The following LMNA variants were observed in gnomAD, a reference collection of about 807,000 sequenced individuals.
The protein encoded by LMNA is lamin A/C, also known as lamin.
A neutral mutation model predicts 70.4 loss-of-function variants in LMNA; 20 were observed. The ratio of observed to expected loss-of-function variants is 0.28; its 90% confidence interval spans 0.20 to 0.41. The LOEUF is 0.41. Ranked by LOEUF, LMNA falls within the 10% of genes least tolerant of loss-of-function variation. The pLI is 1.00. For synonymous variants in LMNA, 339 were observed against 372.8 expected (o/e 0.91, Z 1.04); for missense variants, 652 against 917.2 (o/e 0.71, Z 3.73).
rs150817185 is a variant in LMNA at position 156,115,702 on chromosome 1, G to A, written c.356+428G>A. On this transcript the variant is annotated intron_variant, in intron 1 of 11. Coordinates refer to ENST00000368300, the MANE Select transcript of LMNA (RefSeq NM_170707.4). The surrounding 1 kb of genome is among the most constrained non-coding windows in gnomAD (Gnocchi z 5.8). ...GGTCCTGTTAGAACTTTGTTAGCGG[G>A]CTTGGCACTGTGCTAGCTTTGCCCA... Among the ~76,000 whole-genome samples the A allele has an allele frequency of 4.8e-4, 73 of 152,326 alleles. No individual in the cohort carries two copies. The East Asian group carries it at 0.014, about 29-fold the overall frequency.
chr1:156,089,639 G>C (rs983504380), intron 2 of LMNA, among the ~76,000 whole-genome samples: 20 of 151,326 alleles, frequency 1.3e-4, no homozygotes, highest in Admixed American at 1.3e-4. Flanking sequence ...TTTGGGACTC[G>C]GAGGGCTACA....
At chr1:156,126,560 G>GC (rs767215710) in intron 1 of LMNA, 2 of 774,774 alleles carry the variant, frequency 2.6e-6, no homozygotes. Flanking sequence ...TCCCCAAACA[G>GC]CCCCAAGGGC....
At chr1:156,130,467 C>A in intron 1 of LMNA, 150 bp from the exon 2 acceptor site, 1 of 844,508 alleles carries the variant, frequency 1.2e-6, no homozygotes, top group South Asian at 1.4e-5. Flanking sequence ...CAGAGGCAAG[C>A]AGATGCAAAC....
At chr1:156,086,883 C>T (rs1648501188) in intron 2 of LMNA, among the ~76,000 whole-genome samples, 1 of 152,202 alleles carries the variant, frequency 6.6e-6, no homozygotes, top group African/African-American at 2.4e-5. Context: ...AGGTGATCCG[C>T]CCCCACCTTG....
intron 1 of LMNA, among the ~76,000 whole-genome samples, chr1:156,125,648 C>T (rs1650507737): frequency 6.6e-6 from 1 of 151,174 alleles, no homozygotes; most frequent in Admixed American, 6.6e-5. Flanking sequence ...GAGATCGCGC[C>T]ACTCTACTCT....
intron 2 of LMNA, among the ~76,000 whole-genome samples, chr1:156,131,907 C>T (rs934129080): frequency 1.3e-4 from 20 of 152,156 alleles, no homozygotes; most frequent in Admixed American, 1.0e-3. Flanking sequence ...CAGTGGCTCA[C>T]GCCTATAATC....
rs2102901662 is a variant in LMNA at position 156,138,585 on chromosome 1, C to G, written c.1796C>G (p.Ser599Cys). 6.2e-7 allele frequency: 1 copy of G among 1,612,880 alleles called. No homozygotes were observed. Among genetic ancestry groups the G allele is most frequent in the Non-Finnish European group, 8.5e-7 (1 of 1,179,858 alleles). ...TGCGGGCAGCCTGCCGACAAGGCATCTGCCAGCGGCTCAGGAGCCCAGGTG... is the reference window on the plus strand; with the variant it reads ...TGCGGGCAGCCTGCCGACAAGGCATGTGCCAGCGGCTCAGGAGCCCAGGTG... Reference protein sequence around the residue: ...GTCGQPADKASASGSGAQVGG... With the variant: ...GTCGQPADKACASGSGAQVGG... Residue 599 changes from serine to cysteine, a missense_variant, in exon 11 of 12, where the codon TCT becomes TGT. Ser to Cys is a moderately radical substitution (Grantham distance 112). Around this residue, in one of 4 missense-constraint regions of LMNA, gnomAD observed 327 missense variants for 387.6 expected, o/e 0.84. Transcript: ENST00000368300. This position sits in a 1 kb window ranked among gnomAD's most constrained non-coding sequence, Gnocchi z 5.5.
chr1:156,111,542 G>C (rs1380123510), upstream of LMNA, among the ~76,000 whole-genome samples: 1 of 152,090 alleles, frequency 6.6e-6, no homozygotes, highest in Non-Finnish European at 1.5e-5. Flanking sequence ...CAGACTTCTG[G>C]GATCCCTTTG....
At chr1:156,101,147 T>C (rs1218960272) in intron 3 of LMNA, among the ~76,000 whole-genome samples, 1 of 152,118 alleles carries the variant, frequency 6.6e-6, no homozygotes, top group Non-Finnish European at 1.5e-5. Context: ...GTGGAGCCAC[T>C]GTTAGTTTAA....
chr1:156,103,665 C>T lies in LMNA; in HGVS notation c.-206-11048C>T, dbSNP rs1212970282. Among the ~76,000 whole-genome samples, 2 of 152,144 alleles carry T rather than the reference C, an allele frequency of 1.3e-5. No homozygotes were observed. The highest frequency in any genetic ancestry group is 4.1e-4 in the South Asian group (2 of 4,828). On this transcript the variant is annotated intron_variant, in intron 3 of 12. Coordinates refer to the LMNA transcript ENST00000368301. This position sits in a 1 kb window ranked among gnomAD's most constrained non-coding sequence, Gnocchi z 4.7. ...TGTGTCCCCTCTCCGGGGGCTGCCC[C>T]CTCCCAGTTTCTGACTAATCCTTTC...
intron 2 of LMNA, among the ~76,000 whole-genome samples, chr1:156,088,320 T>C (rs934500914): frequency 1.3e-5 from 2 of 151,994 alleles, no homozygotes; most frequent in African/African-American, 4.8e-5. Flanking sequence ...TTTTGTTTTC[T>C]TTTTTTTAAC....
Position 156,137,918 on chromosome 1 carries a change from C to A in LMNA, c.1698+175C>A. ...TCCTCCCTATACCTTGAACAGGGAACCCAGGTGTCTGGGTGCCCTACTCTG... is the reference window on the plus strand; with the variant it reads ...TCCTCCCTATACCTTGAACAGGGAAACCAGGTGTCTGGGTGCCCTACTCTG... On this transcript the variant is annotated intron_variant, in intron 10 of 11. Transcript: ENST00000368300. The surrounding 1 kb of genome is among the most constrained non-coding windows in gnomAD (Gnocchi z 4.6). The A allele has an allele frequency of 1.5e-6, 2 of 1,378,338 alleles. No individual in the cohort carries two copies. The highest frequency in any genetic ancestry group is 1.9e-6 in the Non-Finnish European group (2 of 1,030,956). 85.4% of individuals were successfully genotyped at this position (1,378,338 alleles called of 1,614,324 possible). A position where few individuals can be genotyped will look rare whatever the true frequency, so the allele number is the denominator to read the frequency against.
At position 156,137,590 on chromosome 1, in the gene LMNA, G is replaced by T; in HGVS notation, c.1609-64G>T. 3 of 1,431,150 alleles carry T rather than the reference G, an allele frequency of 2.1e-6. No homozygotes were observed. The highest frequency in any genetic ancestry group is 2.9e-6 in the Non-Finnish European group (3 of 1,040,318). 88.7% of individuals were successfully genotyped at this position (1,431,150 alleles called of 1,614,324 possible). On this transcript the variant is annotated intron_variant, in intron 9 of 11. Coordinates refer to ENST00000368300, the MANE Select transcript of LMNA (RefSeq NM_170707.4). This position sits in a 1 kb window ranked among gnomAD's most constrained non-coding sequence, Gnocchi z 4.6. ...AGAAAAGTTGCAGGTGGTCACTGGG[G>T]TAGACATGCTGTACAACCCTTCCCT...
In LMNA at chr1:156,130,702, C is replaced by G; in HGVS notation, c.442C>G (p.Leu148Val). 1 of 1,613,386 alleles carries G rather than the reference C, an allele frequency of 6.2e-7. No individual in the cohort carries two copies. The highest frequency in any genetic ancestry group is 8.5e-7 in the Non-Finnish European group (1 of 1,179,856). The change falls in exon 2 of 12, where the codon CTG becomes GTG. Residue 148 changes from leucine (L) to valine (V), a missense_variant. Physicochemically the swap from Leu to Val is conservative, Grantham distance 32. Coordinates refer to ENST00000368300, the MANE Select transcript of LMNA (RefSeq NM_170707.4). ...TCTGCTGAACTCCAAGGAGGCCGCA[C>G]TGAGCACTGCTCTCAGTGAGAAGCG... ...EALLNSKEAA[L>V]STALSEKRTL... is the part of the protein sequence containing the mutation.
rs1649733801 is a variant in LMNA at position 156,115,185 on chromosome 1, C to T, written c.267C>T (p.Arg89=). ...ACGAGGCCGAGCTCGGGGATGCCCG[C>T]AAGACCCTTGACTCAGTAGCCAAGG... ...AAYEAELGDA[R]KTLDSVAKER... The change falls in exon 1 of 12, where the codon CGC becomes CGT. Residue 89 remains arginine, a synonymous_variant. Coordinates refer to ENST00000368300, the MANE Select transcript of LMNA (RefSeq NM_170707.4). This position sits in a 1 kb window ranked among gnomAD's most constrained non-coding sequence, Gnocchi z 5.8. 6.2e-7 allele frequency: 1 copy of T among 1,613,080 alleles called. No homozygotes were observed. Among genetic ancestry groups the T allele is most frequent in the East Asian group, 2.2e-5 (1 of 44,842 alleles).
intron 1 of LMNA, among the ~76,000 whole-genome samples, chr1:156,119,550 C>G (rs993851323): frequency 1.3e-5 from 2 of 152,216 alleles, no homozygotes; most frequent in African/African-American, 2.4e-5. Flanking sequence ...CATGAGCTAC[C>G]GCACCTGGTA....
chr1:156,106,012 G>A lies in LMNA; in HGVS notation c.-206-8701G>A, dbSNP rs529384962. On this transcript the variant is annotated intron_variant, in intron 3 of 12. Coordinates refer to the LMNA transcript ENST00000368301. ...TAGCGGGGCGTGGTGGCTGGCTCCT[G>A]TAGTCCCAGGTACTAGGGAGGCTGA... Among the ~76,000 whole-genome samples, 3 of 152,184 alleles carry A rather than the reference G, an allele frequency of 2.0e-5. No homozygotes were observed. The East Asian group carries it at 5.8e-4, about 29-fold the overall frequency.
At position 156,138,485 on chromosome 1, in the gene LMNA, C is replaced by A; in HGVS notation, c.1699-3C>A. On this transcript the variant is annotated splice_region_variant and splice_polypyrimidine_tract_variant and intron_variant, in intron 10 of 11. Transcript: ENST00000368300. This position sits in a 1 kb window ranked among gnomAD's most constrained non-coding sequence, Gnocchi z 5.5. The stretch of plus-strand genomic sequence containing the variant: ...CCCGCCTGAGCCTTGTCTCCCTTCC[C>A]AGGGCTCCCACTGCAGCAGCTCGGG... 6.2e-7 allele frequency: 1 copy of A among 1,611,834 alleles called. No homozygotes were observed. The highest frequency in any genetic ancestry group is 1.1e-5 in the South Asian group (1 of 90,838).
chr1:156,139,313 A>AG lies in LMNA; in HGVS notation c.*207_*208insG. On this transcript the variant is annotated 3_prime_UTR_variant, in exon 12 of 12. Transcript: ENST00000368300. ...AAGGAAAAACACAAGCAAAAAAAAA[A>AG]AAAAGCATCTATCTCATCTATCTCA... 1 of 1,430,954 alleles carries AG rather than the reference A, an allele frequency of 7.0e-7. No homozygotes were observed. The highest frequency in any genetic ancestry group is 2.5e-5 in the East Asian group (1 of 39,992). 88.6% of individuals were successfully genotyped at this position (1,430,954 alleles called of 1,614,324 possible). A position where few individuals can be genotyped will look rare whatever the true frequency, so the allele number is the denominator to read the frequency against.
Sources: gnomAD v4.1 joint callset for allele counts (sites outside exome capture counted in the v4.1 genomes callset) on GRCh38, gnomAD v4.1.1 for gene constraint, gnomAD v4.1.1 regional missense constraint, Gnocchi (gnomAD v3.1) non-coding constraint, MANE v1.5 for transcripts, NCBI Gene and HGNC (gene_info 2026-07-23, HGNC 2026-07-21) for gene names.